Variants in PABIR2 observed in about 807,000 individuals in gnomAD.
PABIR2 encodes PABIR family member 2.
Under a neutral mutation model 22.8 loss-of-function variants are expected in PABIR2, and 7 were observed. The ratio of observed to expected loss-of-function variants is 0.31; its 90% CI spans 0.17 to 0.58. The LOEUF is 0.58. PABIR2 is among the 20% of genes least tolerant of loss of function. The pLI is 0.89. For missense variants in PABIR2, 155 were observed against 205.1 expected, an observed-to-expected ratio of 0.76 and a Z score of 1.49; for synonymous variants, 67 against 73.8, an observed-to-expected ratio of 0.91 and a Z score of 0.47.
chrX:134,772,321 C>T, intron 9 of PABIR2, 38 bp from the exon 10 acceptor site: 1 of 1,142,567 alleles, frequency 8.8e-7, no homozygotes, highest in Non-Finnish European at 1.2e-6. Flanking sequence ...GCAAATGCAA[C>T]TATCAGGGTA....
Position 134,781,879 on chromosome X carries a change from G to C in PABIR2, c.601C>G (p.Gln201Glu). Residue 201 changes from glutamine to glutamate, a missense_variant, in exon 9 of 10, where the codon CAA (glutamine) becomes GAA (glutamate). Transcript: ENST00000343004. ...GGAGATAACATATTGGTAGTGCCTT[G>C]GAAGAGTCTCTTGGGCTGACTTTCT... ...ETESQPKRLF[Q>E]GTTNMLSPDA... 8.3e-7 allele frequency: 1 copy of C among 1,205,270 alleles called. No homozygotes were observed. Among genetic ancestry groups the C allele is most frequent in the Non-Finnish European group, 1.1e-6 (1 of 891,570 alleles).
chrX:134,773,504 T>C (rs2078888333), intron 9 of PABIR2, among the ~76,000 whole-genome samples: 1 of 106,527 alleles, frequency 9.4e-6, no homozygotes, highest in South Asian at 3.8e-4. Flanking sequence ...CCTAACCTAA[T>C]TCGGAGGAAT....
Position 134,771,765 on chromosome X carries a change from A to C in PABIR2, c.*374T>G. ...TCTCAAGCAAGAGAATTTCTGATCA[A>C]ATCTGTCATATCACTGCTGCGGAAA... On this transcript the variant is annotated 3_prime_UTR_variant, in exon 10 of 10. Transcript: ENST00000343004. 1.2e-6 allele frequency: 1 copy of C among 808,984 alleles called. No individual in the cohort carries two copies. The highest frequency in any genetic ancestry group is 1.5e-6 in the Non-Finnish European group (1 of 675,850). The allele number at this position is 808,984 out of a possible 1,213,427, so 66.7% of individuals were successfully genotyped here.
chrX:134,785,444 C>T (rs1336632175), intron 8 of PABIR2, among the ~76,000 whole-genome samples: 3 of 109,189 alleles, frequency 2.7e-5, no homozygotes, highest in African/African-American at 6.7e-5. Flanking sequence ...TGATCACAGT[C>T]AATTTTTTTT....
intron 2 of PABIR2, 33 bp downstream of exon 2, chrX:134,793,782 T>G: frequency 8.5e-7 from 1 of 1,169,770 alleles, no homozygotes; most frequent in Non-Finnish European, 1.2e-6. Context: ...TTCCCCAATC[T>G]AAATCACTTC....
rs1281843735 is a variant in PABIR2 at position 134,781,906 on chromosome X, T to A, written c.574A>T (p.Thr192Ser). The A allele has an allele frequency of 8.4e-7, 1 of 1,197,115 alleles. No individual in the cohort carries two copies. The highest frequency in any genetic ancestry group is 1.8e-5 in the South Asian group (1 of 54,851). ...AAGAGTCTCTTGGGCTGACTTTCTG[T>A]CTCCATTTCACCTAAAACAGAAAGA... is the stretch of plus-strand genomic sequence containing the variant. ...GPLKRKGEME[T>S]ESQPKRLFQG... Residue 192 changes from threonine to serine, a missense_variant, in exon 9 of 10, where the codon ACA (threonine) becomes TCA (serine). Transcript: ENST00000343004.
At chrX:134,786,243 G>A (rs769382054) in intron 7 of PABIR2, among the ~76,000 whole-genome samples, 108 of 112,000 alleles carry the variant, frequency 9.6e-4, no homozygotes, top group South Asian at 1.1e-3. Context: ...GGGCTGGGCC[G>A]CAGTGACTCA....
At chrX:134,787,225 G>A (rs113277703) in intron 7 of PABIR2, among the ~76,000 whole-genome samples, 3,005 of 106,763 alleles carry the variant, frequency 0.028, 122 homozygotes, top group African/African-American at 0.095. Flanking sequence ...TCAGCCTCCC[G>A]AGTAACTGGG....
rs1178459786 is a variant in PABIR2, at chrX:134,784,190, C to T, written c.562+1696G>A. On this transcript the variant is annotated intron_variant, in intron 8 of 9. Transcript: ENST00000343004. Reference sequence around the variant, plus strand: ...ATAATGAATAAACCTGTGTTGCCGGCTGGGCGTGGTGGCTCATACCTGTAA... The same window carrying T: ...ATAATGAATAAACCTGTGTTGCCGGTTGGGCGTGGTGGCTCATACCTGTAA... Among the ~76,000 whole-genome samples, 3 of 110,493 alleles carry T rather than the reference C, an allele frequency of 2.7e-5. No homozygotes were observed. The Admixed American group carries it at 2.9e-4, about 11-fold the overall frequency.
rs771375026 is a variant in PABIR2, at chrX:134,781,812, T to C, written c.659+9A>G. ...CTAATATACTTTTCATTTTATTTCATTTTTTTACCATGAACTGAGATCAGA... is the reference window on the plus strand; with the variant it reads ...CTAATATACTTTTCATTTTATTTCACTTTTTTACCATGAACTGAGATCAGA... On this transcript the variant is annotated intron_variant, in intron 9 of 9. Coordinates refer to ENST00000343004, the MANE Select transcript of PABIR2 (RefSeq NM_001387468.1). The C allele has an allele frequency of 6.9e-6, 8 of 1,162,530 alleles. No individual in the cohort carries two copies. The highest frequency in any genetic ancestry group is 9.3e-6 in the Non-Finnish European group (8 of 863,895).
At position 134,796,871 on chromosome X, in the gene PABIR2, C is replaced by A. The variant is rs2079873555; in HGVS notation, c.-666G>T. The A allele has an allele frequency of 8.9e-6, 1 of 112,025 alleles. No individual in the cohort carries two copies. The highest frequency in any genetic ancestry group is 1.9e-5 in the Non-Finnish European group (1 of 53,059). 9.2% of individuals were successfully genotyped at this position (112,025 alleles called of 1,213,427 possible). A position where few individuals can be genotyped will look rare whatever the true frequency, so the allele number is the denominator to read the frequency against. The stretch of plus-strand genomic sequence containing the variant: ...CCGAGGACCTGACAGTCGGGTAGGA[C>A]CCGGCCGGGCGGCCTTGGCGGCTCC... On this transcript the variant is annotated 5_prime_UTR_variant, in exon 1 of 10. Coordinates refer to ENST00000343004, the MANE Select transcript of PABIR2 (RefSeq NM_001387468.1).
chrX:134,779,428 A>T (rs1427064793), intron 9 of PABIR2, among the ~76,000 whole-genome samples: 1 of 111,112 alleles, frequency 9.0e-6, no homozygotes, highest in African/African-American at 3.3e-5. Context: ...TCTGTCTCAA[A>T]AAAATAAAAT....
chrX:134,778,939 G>A (rs771559841), intron 9 of PABIR2, among the ~76,000 whole-genome samples: 56 of 109,920 alleles, frequency 5.1e-4, no homozygotes, highest in Admixed American at 1.3e-3. Context: ...TCAGCCTCCC[G>A]AGTAGCTGGG....
intron 2 of PABIR2, among the ~76,000 whole-genome samples, chrX:134,792,543 AT>A (rs1365092317): frequency 8.9e-6 from 1 of 112,118 alleles, no homozygotes; most frequent in East Asian, 2.8e-4. Context: ...CCCTGTAAGT[AT>A]TTTCAGCCAT....
chrX:134,776,615 TAAAAG>T (rs766488780), intron 9 of PABIR2, among the ~76,000 whole-genome samples: 2,636 of 109,855 alleles, frequency 0.024, 27 homozygotes, highest in Non-Finnish European at 0.035. Context: ...TTTCGTTTAG[TAAAAG>T]AAAAGAAAAG....
In PABIR2 at chrX:134,796,260, T is replaced by A; in HGVS notation, c.-55A>T. On this transcript the variant is annotated 5_prime_UTR_variant, in exon 1 of 10. Coordinates refer to ENST00000343004, the MANE Select transcript of PABIR2 (RefSeq NM_001387468.1). ...GTGCTCAGCTCCTGGTGCTTAGCTA[T>A]GGACTCCCAAGACTCTCACTGCAGG... is the stretch of plus-strand genomic sequence containing the variant. 5.1e-6 allele frequency: 5 copies of A among 974,432 alleles called. No homozygotes were observed. Among genetic ancestry groups the A allele is most frequent in the Non-Finnish European group, 7.0e-6 (5 of 711,029 alleles). The allele number at this position is 974,432 out of a possible 1,213,427, so 80.3% of individuals were successfully genotyped here.
In PABIR2 at chrX:134,785,925, A is replaced by C; in HGVS notation, c.523T>G (p.Cys175Gly). 8.3e-7 allele frequency: 1 copy of C among 1,211,426 alleles called. No homozygotes were observed. The highest frequency in any genetic ancestry group is 1.1e-6 in the Non-Finnish European group (1 of 895,223). Residue 175 changes from cysteine (C) to glycine (G), a missense_variant, in exon 8 of 10, where the codon TGC (cysteine) becomes GGC (glycine). Cys to Gly is a radical substitution (Grantham distance 159). Coordinates refer to ENST00000343004, the MANE Select transcript of PABIR2 (RefSeq NM_001387468.1). ...GGACCAAGAACACTGGGTCTAATGC[A>C]CTTGACTGGACTCTGACTTCTCCTG... ...SSRRSQSPVK[C>G]IRPSVLGPLK...
intron 9 of PABIR2, among the ~76,000 whole-genome samples, chrX:134,780,038 A>C (rs2079115964): frequency 8.9e-6 from 1 of 112,660 alleles, no homozygotes; most frequent in Non-Finnish European, 1.9e-5. Flanking sequence ...TAGCTAGAAC[A>C]ATCTAAAAGG....
At position 134,787,099 on chromosome X, in the gene PABIR2, C is replaced by CT. The variant is rs199859091; in HGVS notation, c.497+372dup. Among the ~76,000 whole-genome samples, 169 of 94,413 alleles carry CT rather than the reference C, an allele frequency of 1.8e-3. 1 individual carries two copies. Among genetic ancestry groups the CT allele is most frequent in the East Asian group, 7.1e-3 (22 of 3,101 alleles). The allele number at this position is 94,413 out of a possible 115,157, so 82.0% of individuals were successfully genotyped here. On this transcript the variant is annotated intron_variant, in intron 7 of 9. Transcript: ENST00000343004. ...AATATTGGGAAAAAGAGTTAATCTT[C>CT]TTTTTTTTTTTTTTTTTGAGACAGA...
Sources: gnomAD v4.1 joint callset for allele counts (sites outside exome capture counted in the v4.1 genomes callset) on GRCh38, gnomAD v4.1.1 for gene constraint, MANE v1.5 for transcripts, NCBI Gene and HGNC (gene_info 2026-07-23, HGNC 2026-07-21) for gene names.